CHAF1A: variants seen among roughly 807,000 people sequenced by gnomAD.
The protein encoded by CHAF1A is chromatin assembly factor 1 subunit A.
CHAF1A carries 5 observed loss-of-function variants against 93.2 expected under a neutral mutation model. That is an observed-to-expected ratio of 0.05 (90% confidence interval 0.03 to 0.11). The LOEUF (loss-of-function observed/expected upper bound fraction) is 0.11. Among genes scored for constraint, CHAF1A ranks in the 10% least tolerant of loss-of-function variants. The pLI is 1.00. For synonymous variants in CHAF1A, 504 were observed against 510.3 expected (o/e 0.99, Z 0.17); for missense variants, 1,102 against 1,259.9 (o/e 0.87, Z 1.90).
intron 4 of CHAF1A, among the ~76,000 whole-genome samples, chr19:4,420,723 T>C (rs548383014): frequency 6.6e-6 from 1 of 152,302 alleles, no homozygotes; most frequent in Admixed American, 6.5e-5. Context: ...GGAGGATTTC[T>C]TGAGCCCAGG....
chr19:4,403,142 T>A (rs1286581687), intron 1 of CHAF1A, among the ~76,000 whole-genome samples: 1 of 152,016 alleles, frequency 6.6e-6, no homozygotes, highest in Non-Finnish European at 1.5e-5. Context: ...GCCCTGCAGG[T>A]TACTGGATGC....
In CHAF1A at chr19:4,443,194, AT is replaced by A; in HGVS notation, c.*171del. ...ATTAGTTCCTTTGATATTTGTAAAA[AT>A]TCCCCCAAGAGCCGCATATGAATCT... On this transcript the variant is annotated 3_prime_UTR_variant, in exon 15 of 15. Transcript: ENST00000301280. 4.7e-6 allele frequency: 3 copies of A among 642,506 alleles called. No homozygotes were observed. The South Asian group carries it at 5.1e-5, about 11-fold the overall frequency. 39.8% of individuals were successfully genotyped at this position (642,506 alleles called of 1,614,324 possible).
downstream of CHAF1A, chr19:4,445,576 C>T (rs1427394338): frequency 9.9e-6 from 16 of 1,613,668 alleles, no homozygotes; most frequent in Non-Finnish European, 1.4e-5. Context: ...CCTTGATGTC[C>T]TCCAGCACAG....
rs2145122124 is a variant in CHAF1A, at chr19:4,428,687, G to A, written c.1401G>A (p.Lys467=). ...AGACCCTGGCCGGCTCCTGTGGGAA[G>A]TTTGCCCCCTTTGAAATTAAAGAGC... is the stretch of plus-strand genomic sequence containing the variant. ...APKTLAGSCG[K]FAPFEIKEHM... Residue 467 remains lysine (K), a synonymous_variant, in exon 8 of 15, where the codon AAG becomes AAA. Transcript: ENST00000301280. 1 of 1,614,110 alleles carries A rather than the reference G, an allele frequency of 6.2e-7. No individual in the cohort carries two copies. Among genetic ancestry groups the A allele is most frequent in the Non-Finnish European group, 8.5e-7 (1 of 1,179,982 alleles).
chr19:4,421,399 T>C (rs1397239283), intron 4 of CHAF1A, among the ~76,000 whole-genome samples: 5 of 152,144 alleles, frequency 3.3e-5, no homozygotes, highest in African/African-American at 7.2e-5. Flanking sequence ...ATGAATCTTA[T>C]ATTGAATTTC....
intron 4 of CHAF1A, among the ~76,000 whole-genome samples, chr19:4,419,682 T>G (rs1485686663): frequency 3.9e-5 from 6 of 152,088 alleles, no homozygotes; most frequent in Non-Finnish European, 8.8e-5. Context: ...CCACCCACCT[T>G]GGCTTCCCAA....
At chr19:4,413,312 C>T (rs1007265734) in intron 3 of CHAF1A, among the ~76,000 whole-genome samples, 6 of 152,046 alleles carry the variant, frequency 3.9e-5, no homozygotes, top group Non-Finnish European at 8.8e-5. Flanking sequence ...CCTCGTGATC[C>T]GCCCGCCTCG....
intron 2 of CHAF1A, 76 bp from the exon 3 acceptor site, chr19:4,408,827 A>G (rs930717219): frequency 6.6e-7 from 1 of 1,513,234 alleles, no homozygotes; most frequent in Non-Finnish European, 8.9e-7. Flanking sequence ...TGTCCCAACA[A>G]ATCAGTAATT....
chr19:4,447,437 C>A, downstream of CHAF1A: 1 of 1,182,522 alleles, frequency 8.5e-7, no homozygotes, highest in South Asian at 1.3e-5. Context: ...TGTGGCTCAA[C>A]TCTCGCTAGC....
rs1314827893 is a variant in CHAF1A at position 4,423,857 on chromosome 19, A to G, written c.1360A>G (p.Thr454Ala). Residue 454 changes from threonine (T) to alanine (A), a missense_variant, in exon 7 of 15, where the codon ACT (threonine) becomes GCT (alanine). Physicochemically the swap from Thr to Ala is moderately conservative, Grantham distance 58 (BLOSUM62 0). This residue lies in a region of CHAF1A where 165 missense variants were observed against 243.9 expected (regional missense o/e 0.68). Transcript: ENST00000301280. ...CACGAGGTTCTTCCAGAAACCAAAG[A>G]CTCCACAGGCCCCCAAGGTGAGCAG... ...EITRFFQKPK[T>A]PQAPKTLAGS... The G allele has an allele frequency of 6.2e-7, 1 of 1,613,720 alleles. No homozygotes were observed.
chr19:4,409,225 C>T lies in CHAF1A; in HGVS notation c.426C>T (p.Pro142=), dbSNP rs1383832695. ...ATAAACTAAATTCTGAAGCCTCTCC[C>T]TCCAGGGAGGCAATAAATGGCCAGC... ...DHNKLNSEAS[P]SREAINGQRE... is the part of the protein sequence containing the mutation. The change falls in exon 3 of 15, where the codon CCC becomes CCT. Residue 142 remains proline, a synonymous_variant. Coordinates refer to ENST00000301280, the MANE Select transcript of CHAF1A (RefSeq NM_005483.3). The T allele has an allele frequency of 3.1e-6, 5 of 1,614,072 alleles. No homozygotes were observed. Among genetic ancestry groups the T allele is most frequent in the Non-Finnish European group, 3.4e-6 (4 of 1,180,046 alleles).
rs761781354 is a variant in CHAF1A, at chr19:4,405,889, C to T, written c.53-23C>T. On this transcript the variant is annotated intron_variant, in intron 1 of 14. Transcript: ENST00000301280. ...ATTATTTGCAGAATTTAACAGTTTA[C>T]CCTTTGACACTTTTATTTGCAGCCA... The T allele has an allele frequency of 9.3e-6, 15 of 1,608,818 alleles. No homozygotes were observed. In the Admixed American group the frequency reaches 1.2e-4, roughly 13 times the overall value.
At position 4,422,452 on chromosome 19, in the gene CHAF1A, G is replaced by A. The variant is rs1974007002; in HGVS notation, c.1018-114G>A. 1.1e-6 allele frequency: 1 copy of A among 924,726 alleles called. No individual in the cohort carries two copies. Among genetic ancestry groups the A allele is most frequent in the South Asian group, 1.7e-5 (1 of 60,448 alleles). The allele number at this position is 924,726 out of a possible 1,614,324, so 57.3% of individuals were successfully genotyped here. A position where few individuals can be genotyped will look rare whatever the true frequency, so the allele number is the denominator to read the frequency against. On this transcript the variant is annotated intron_variant, in intron 4 of 14. Transcript: ENST00000301280. This position sits in a 1 kb window ranked among gnomAD's most constrained non-coding sequence, Gnocchi z 4.6. ...GCGTGAGCCACCATGCCTAGCCTTG[G>A]TCCCTCAATTCTGTTCATCCCGTCC... is the stretch of plus-strand genomic sequence containing the variant.
chr19:4,445,940 G>GC (rs1372320692), downstream of CHAF1A: 2 of 1,480,824 alleles, frequency 1.4e-6, no homozygotes, highest in South Asian at 1.4e-5. Flanking sequence ...ACCTGCCCAG[G>GC]CCCCCTGCTC....
At chr19:4,405,994 TC>T (rs1220959837) in intron 2 of CHAF1A, 32 bp downstream of exon 2, 4 of 1,566,056 alleles carry the variant, frequency 2.6e-6, no homozygotes, top group Middle Eastern at 1.7e-4. Flanking sequence ...AAAGAGTTGT[TC>T]GTAGTTTATA....
chr19:4,448,607 C>A (rs1004382359), downstream of CHAF1A: 2 of 600,222 alleles, frequency 3.3e-6, no homozygotes, highest in Non-Finnish European at 5.9e-6. Context: ...AGGGCAGAGG[C>A]GACGCAGCCA....
Position 4,433,301 on chromosome 19 carries a change from C to G in CHAF1A, c.2435C>G (p.Pro812Arg). 3 of 1,614,212 alleles carry G rather than the reference C, an allele frequency of 1.9e-6. No homozygotes were observed. The highest frequency in any genetic ancestry group is 2.5e-6 in the Non-Finnish European group (3 of 1,180,036). The change falls in exon 13 of 15, where the codon CCT (proline) becomes CGT (arginine). Residue 812 changes from proline (P) to arginine (R), a missense_variant. This residue lies in a region of CHAF1A where 76 missense variants were observed against 129.8 expected (regional missense o/e 0.59). Coordinates refer to ENST00000301280, the MANE Select transcript of CHAF1A (RefSeq NM_005483.3). This position sits in a 1 kb window ranked among gnomAD's most constrained non-coding sequence, Gnocchi z 5.6. ...GAGAACTCAGTGTATGAGAAGCGGC[C>G]TGACTTCAGGATGTGCTGGTACGTG... Reference protein sequence around the residue: ...ISENSVYEKRPDFRMCWYVHP... With the variant: ...ISENSVYEKRRDFRMCWYVHP...
At position 4,429,899 on chromosome 19, in the gene CHAF1A, G is replaced by A. The variant is rs371842842; in HGVS notation, c.1854+111G>A. 41 of 907,024 alleles carry A rather than the reference G, an allele frequency of 4.5e-5. No individual in the cohort carries two copies. In the East Asian group the frequency reaches 8.8e-4, roughly 20 times the overall value. The allele number at this position is 907,024 out of a possible 1,614,324, so 56.2% of individuals were successfully genotyped here. The stretch of plus-strand genomic sequence containing the variant: ...AGCTGTGTTCACTCACTGACAGCTG[G>A]TGTTTGACCTGCTGTGTGGTCTGAA... On this transcript the variant is annotated intron_variant, in intron 10 of 14. Coordinates refer to ENST00000301280, the MANE Select transcript of CHAF1A (RefSeq NM_005483.3).
At position 4,423,048 on chromosome 19, in the gene CHAF1A, C is replaced by T. The variant is rs1312014142; in HGVS notation, c.1247+253C>T. ...CTGCTGTGACCATCCTTCCAGTTCCCAACCAACTTAGGCATTTGCATTGCA... is the reference window on the plus strand; with the variant it reads ...CTGCTGTGACCATCCTTCCAGTTCCTAACCAACTTAGGCATTTGCATTGCA... On this transcript the variant is annotated intron_variant, in intron 5 of 14. Coordinates refer to ENST00000301280, the MANE Select transcript of CHAF1A (RefSeq NM_005483.3). Among the ~76,000 whole-genome samples, 3 of 152,202 alleles carry T rather than the reference C, an allele frequency of 2.0e-5. No individual in the cohort carries two copies. The East Asian group carries it at 5.8e-4, about 29-fold the overall frequency.
Sources: gnomAD v4.1 joint callset for allele counts (sites outside exome capture counted in the v4.1 genomes callset) on GRCh38, gnomAD v4.1.1 for gene constraint, gnomAD v4.1.1 regional missense constraint, Gnocchi (gnomAD v3.1) non-coding constraint, MANE v1.5 for transcripts, NCBI Gene and HGNC (gene_info 2026-07-23, HGNC 2026-07-21) for gene names.